The following MYRFL variants were observed in gnomAD, a reference collection of about 807,000 sequenced individuals.
The protein encoded by MYRFL is myelin regulatory factor-like protein.
A neutral mutation model predicts 109.4 loss-of-function variants in MYRFL; 88 were observed. That is an observed-to-expected ratio of 0.80 (90% CI 0.68 to 0.96). The LOEUF is 0.96. MYRFL is among the 40% of genes least tolerant of loss of function. MYRFL has a pLI of 0.00. For missense variants in MYRFL, 957 were observed against 954.9 expected, an observed-to-expected ratio of 1.00 and a Z score of -0.03; for synonymous variants, 324 against 320.9, an observed-to-expected ratio of 1.01 and a Z score of -0.10.
At chr12:69,940,271 T>A (rs1339111737) in intron 19 of MYRFL, among the ~76,000 whole-genome samples, 2 of 150,108 alleles carry the variant, frequency 1.3e-5, no homozygotes, top group African/African-American at 2.4e-5. Context: ...AAAGTTGAAA[T>A]GAAGGAAAAA....
intron 1 of MYRFL, among the ~76,000 whole-genome samples, chr12:69,845,311 T>C (rs950336591): frequency 6.6e-6 from 1 of 152,212 alleles, no homozygotes; most frequent in African/African-American, 2.4e-5. Context: ...CTTTGTGCAA[T>C]GCTTGGCACA....
At chr12:69,880,340 G>A (rs1357293378) in intron 5 of MYRFL, 48 bp downstream of exon 5, 14 of 687,658 alleles carry the variant, frequency 2.0e-5, no homozygotes, top group Middle Eastern at 2.3e-4. Flanking sequence ...AAAGCCTTGG[G>A]CATTAAAGCA....
intron 2 of MYRFL, among the ~76,000 whole-genome samples, chr12:69,872,303 A>G (rs977548912): frequency 1.3e-5 from 2 of 152,118 alleles, no homozygotes; most frequent in African/African-American, 4.8e-5. Flanking sequence ...TTGCTTTTTA[A>G]AAATCCATTC....
intron 19 of MYRFL, among the ~76,000 whole-genome samples, chr12:69,947,854 C>G (rs1002953868): frequency 2.0e-5 from 3 of 152,104 alleles, no homozygotes; most frequent in African/African-American, 7.2e-5. Context: ...AGATGCTGTA[C>G]TGGACTCAGC....
intron 19 of MYRFL, among the ~76,000 whole-genome samples, chr12:69,938,047 G>T (rs789560): frequency 0.089 from 13,564 of 152,226 alleles, 765 homozygotes; most frequent in Non-Finnish European, 0.12. Context: ...AGGAGACAAT[G>T]AGCTTTTCTC....
At chr12:69,882,165 C>G (rs1022268021) in intron 5 of MYRFL, among the ~76,000 whole-genome samples, 4 of 152,178 alleles carry the variant, frequency 2.6e-5, no homozygotes, top group African/African-American at 9.7e-5. Context: ...ATGGAAATTA[C>G]TAGGATTTCC....
intron 1 of MYRFL, among the ~76,000 whole-genome samples, chr12:69,837,993 A>G (rs1443681210): frequency 6.6e-6 from 1 of 152,174 alleles, no homozygotes; most frequent in Non-Finnish European, 1.5e-5. Flanking sequence ...AAAAAACTCA[A>G]ATCCCTTTTC....
At chr12:69,841,415 A>G (rs1240261) in intron 1 of MYRFL, among the ~76,000 whole-genome samples, 38,680 of 152,162 alleles carry the variant, frequency 0.25, 5,573 homozygotes, top group Middle Eastern at 0.39. Context: ...CTCTAGTTTT[A>G]GGGGAAGGGA....
rs139881592 is a variant in MYRFL, at chr12:69,833,059, G to T, written c.46+7496G>T. On this transcript the variant is annotated intron_variant, in intron 1 of 24. Coordinates refer to ENST00000552032, the MANE Select transcript of MYRFL (RefSeq NM_182530.3). ...ACAACCAAGTGGAAGCGATGAGGAGGCAGTTGGATTATTGAATTTGAAACC... is the reference window on the plus strand; with the variant it reads ...ACAACCAAGTGGAAGCGATGAGGAGTCAGTTGGATTATTGAATTTGAAACC... Among the ~76,000 whole-genome samples, 1,125 of 151,448 alleles carry T rather than the reference G, an allele frequency of 7.4e-3. 17 individuals carry two copies. Among genetic ancestry groups the T allele is most frequent in the African/African-American group, 0.025 (1,031 of 41,270 alleles).
At chr12:69,869,188 G>A in intron 2 of MYRFL, among the ~76,000 whole-genome samples, 1 of 152,238 alleles carries the variant, frequency 6.6e-6, no homozygotes, top group Non-Finnish European at 1.5e-5. Context: ...CTCCCCAAGG[G>A]CAGTGTGGTG....
chr12:69,926,884 G>T (rs1231360786), intron 14 of MYRFL, 150 bp downstream of exon 14: 1 of 533,812 alleles, frequency 1.9e-6, no homozygotes, highest in Non-Finnish European at 2.7e-6. Flanking sequence ...GAATATTTTG[G>T]AGCACAATTG....
intron 2 of MYRFL, among the ~76,000 whole-genome samples, chr12:69,863,518 A>G (rs1273387356): frequency 2.0e-5 from 3 of 152,178 alleles, no homozygotes; most frequent in African/African-American, 4.8e-5. Flanking sequence ...CAATTTAAAG[A>G]TATTTTACCA....
At chr12:69,957,735 A>T (rs996848688) in intron 22 of MYRFL, 87 bp from the exon 23 acceptor site, 1 of 1,421,078 alleles carries the variant, frequency 7.0e-7, no homozygotes, top group Non-Finnish European at 9.3e-7. Context: ...TTACGTTCCC[A>T]TTAGATCCTC....
rs1387691647 is a variant in MYRFL, at chr12:69,890,976, A to T, written c.713A>T (p.Asp238Val). ...CTTGGTTTCTCTTTTCATAGACCTG[A>T]TGTGGGCTATCGAGTTGTAACAGAC... The part of the protein sequence containing the change: ...LLNSHYEKLP[D>V]VGYRVVTDKG... Residue 238 changes from aspartate to valine, a missense_variant, in exon 7 of 25, where the codon GAT becomes GTT. Asp to Val is a radical substitution (Grantham distance 152). Coordinates refer to ENST00000552032, the MANE Select transcript of MYRFL (RefSeq NM_182530.3). 14 of 1,509,196 alleles carry T rather than the reference A, an allele frequency of 9.3e-6. No homozygotes were observed. Among genetic ancestry groups the T allele is most frequent in the Non-Finnish European group, 1.2e-5 (14 of 1,135,038 alleles). 93.5% of individuals were successfully genotyped at this position (1,509,196 alleles called of 1,614,324 possible). A position where few individuals can be genotyped will look rare whatever the true frequency, so the allele number is the denominator to read the frequency against.
chr12:69,881,546 T>C (rs1411681485), intron 5 of MYRFL, among the ~76,000 whole-genome samples: 1 of 152,226 alleles, frequency 6.6e-6, no homozygotes, highest in African/African-American at 2.4e-5. Context: ...TAAGAGCTGA[T>C]TCTCTGAGGG....
chr12:69,919,731 T>A (rs918932309), intron 13 of MYRFL, among the ~76,000 whole-genome samples: 8 of 152,206 alleles, frequency 5.3e-5, no homozygotes, highest in African/African-American at 1.9e-4. Flanking sequence ...AAAGACAGTT[T>A]TTCTCCCGTT....
intron 1 of MYRFL, among the ~76,000 whole-genome samples, chr12:69,841,088 T>C (rs926134446): frequency 2.6e-5 from 4 of 152,212 alleles, no homozygotes; most frequent in African/African-American, 9.6e-5. Flanking sequence ...AGTGTAAAAC[T>C]ATCTGCACAA....
intron 13 of MYRFL, among the ~76,000 whole-genome samples, chr12:69,920,854 C>G (rs1374839047): frequency 6.6e-6 from 1 of 152,340 alleles, no homozygotes; most frequent in East Asian, 1.9e-4. Flanking sequence ...ACTTGCCGGA[C>G]TGCCTCTAGT....
intron 13 of MYRFL, among the ~76,000 whole-genome samples, chr12:69,919,674 CT>C: frequency 6.6e-6 from 1 of 152,266 alleles, no homozygotes; most frequent in East Asian, 1.9e-4. Context: ...AAATCTAAAG[CT>C]GAGTTTATTC....
Sources: gnomAD v4.1 joint callset for allele counts (sites outside exome capture counted in the v4.1 genomes callset) on GRCh38, gnomAD v4.1.1 for gene constraint, MANE v1.5 for transcripts, NCBI Gene and HGNC (gene_info 2026-07-23, HGNC 2026-07-21) for gene names.